The following TMCC2 variants were observed in gnomAD, a reference collection of about 807,000 sequenced individuals.
TMCC2 encodes the protein transmembrane and coiled-coil domain family 2.
A neutral mutation model predicts 49.4 loss-of-function variants in TMCC2; 16 were observed. That is an observed-to-expected ratio of 0.32 (90% confidence interval 0.22 to 0.49). The LOEUF (loss-of-function observed/expected upper bound fraction) is 0.49. Among genes scored for constraint, TMCC2 ranks in the 20% least tolerant of loss-of-function variants. The probability of loss-of-function intolerance (pLI) is 0.99; values close to 1 mark genes in which losing one functional copy is unlikely to be tolerated. For synonymous variants in TMCC2, 397 were observed against 434.1 expected (o/e 0.91, Z 1.06); for missense variants, 762 against 989.8 (o/e 0.77, Z 3.09).
At chr1:205,245,715 C>A (rs1229215598) in intron 2 of TMCC2, among the ~76,000 whole-genome samples, 1 of 152,052 alleles carries the variant, frequency 6.6e-6, no homozygotes, top group Non-Finnish European at 1.5e-5. Flanking sequence ...ACTTTTCTAA[C>A]GTAGAAAGTG....
intron 1 of TMCC2, chr1:205,229,534 C>A: frequency 1.8e-6 from 1 of 560,896 alleles, no homozygotes. Flanking sequence ...GTTTGCCGAT[C>A]TGTGAAGGGG....
At chr1:205,251,061 C>G (rs1660649995) in intron 2 of TMCC2, among the ~76,000 whole-genome samples, 1 of 152,206 alleles carries the variant, frequency 6.6e-6, no homozygotes, top group Non-Finnish European at 1.5e-5. Context: ...TTAACCTGAT[C>G]CCTGCTTCTG....
chr1:205,249,531 G>A (rs1201800311), intron 2 of TMCC2, among the ~76,000 whole-genome samples: 1 of 152,124 alleles, frequency 6.6e-6, no homozygotes, highest in Non-Finnish European at 1.5e-5. Flanking sequence ...GGGGGCCCCT[G>A]GTATAACTGA....
In TMCC2 at chr1:205,241,943, T is replaced by A. The variant is rs1375085763; in HGVS notation, c.646T>A (p.Cys216Ser). The A allele has an allele frequency of 1.2e-6, 2 of 1,611,414 alleles. No individual in the cohort carries two copies. The highest frequency in any genetic ancestry group is 3.3e-5 in the Admixed American group (2 of 59,972). Residue 216 changes from cysteine to serine, a missense_variant, in exon 2 of 5, where the codon TGC becomes AGC. Physicochemically the swap from Cys to Ser is moderately radical, Grantham distance 112 (BLOSUM62 -1). Coordinates refer to ENST00000358024, the MANE Select transcript of TMCC2 (RefSeq NM_014858.4). The surrounding 1 kb of genome is among the most constrained non-coding windows in gnomAD (Gnocchi z 7.3). Reference sequence around the variant, plus strand: ...GGCCGCCATCCTGCACCAGCACCAGTGCCGTCCCCGCTCTTCCTCCACCAC... The same window carrying A: ...GGCCGCCATCCTGCACCAGCACCAGAGCCGTCCCCGCTCTTCCTCCACCAC... ...SLAAILHQHQCRPRSSSTTDT... is the reference protein window; with the variant it reads ...SLAAILHQHQSRPRSSSTTDT...
In TMCC2 at chr1:205,229,553, G is replaced by T. The variant is rs1337082911; in HGVS notation, c.207+782G>T. ...GCCGATCTGTGAAGGGGCGGGGGGG[G>T]GGGGGTGGTGGCGGGGGCGGGGGGG... On this transcript the variant is annotated intron_variant, in intron 1 of 4. Transcript: ENST00000358024. 2.0e-4 allele frequency: 141 copies of T among 696,620 alleles called. 4 individuals are homozygous for T. The East Asian group carries it at 0.013, about 64-fold the overall frequency. The allele number at this position is 696,620 out of a possible 1,614,324, so 43.2% of individuals were successfully genotyped here. A position where few individuals can be genotyped will look rare whatever the true frequency, so the allele number is the denominator to read the frequency against.
Position 205,228,430 on chromosome 1 carries a change from G to A in TMCC2, c.-135G>A, listed in dbSNP as rs1159103036. On this transcript the variant is annotated 5_prime_UTR_variant, in exon 1 of 5. Coordinates refer to ENST00000358024, the MANE Select transcript of TMCC2 (RefSeq NM_014858.4). ...TTTAAGAATTTTTTTTTTAATTCAA[G>A]AAATTGTGGTCTGCCATCTCCCCTC... 2.9e-6 allele frequency: 2 copies of A among 680,140 alleles called. No homozygotes were observed. Among genetic ancestry groups the A allele is most frequent in the Non-Finnish European group, 4.7e-6 (2 of 429,814 alleles). The allele number at this position is 680,140 out of a possible 1,614,324, so 42.1% of individuals were successfully genotyped here.
intron 2 of TMCC2, among the ~76,000 whole-genome samples, chr1:205,252,604 G>C (rs929640780): frequency 1.3e-5 from 2 of 152,196 alleles, no homozygotes; most frequent in African/African-American, 4.8e-5. Context: ...TTCCAAGCAG[G>C]CTTGGTGAGC....
At chr1:205,268,146 G>T in intron 2 of TMCC2, 3 of 886,794 alleles carry the variant, frequency 3.4e-6, no homozygotes, top group Non-Finnish European at 4.1e-6. Context: ...GCGAGGGCAG[G>T]CAGGCAGGGC....
intron 2 of TMCC2, among the ~76,000 whole-genome samples, chr1:205,250,898 G>T (rs189965904): frequency 6.6e-6 from 1 of 152,156 alleles, no homozygotes; most frequent in African/African-American, 2.4e-5. Context: ...GCAAGGAGCC[G>T]GCACTGATGA....
chr1:205,257,390 G>A (rs1223557237), intron 2 of TMCC2: 2 of 1,232,186 alleles, frequency 1.6e-6, no homozygotes, highest in Admixed American at 4.2e-5. Flanking sequence ...TGGGTGGAAG[G>A]AGAGAATTTC....
At chr1:205,249,244 C>G (rs1407390373) in intron 2 of TMCC2, among the ~76,000 whole-genome samples, 1 of 152,218 alleles carries the variant, frequency 6.6e-6, no homozygotes, top group Non-Finnish European at 1.5e-5. Context: ...TAAGCGAGAG[C>G]AGACTCTGAA....
At chr1:205,271,488 A>G (rs990138670) in intron 4 of TMCC2, 16 of 695,362 alleles carry the variant, frequency 2.3e-5, no homozygotes, top group Middle Eastern at 3.9e-4. Context: ...GGCAGAGGCC[A>G]CCATGCCCCC....
intron 2 of TMCC2, among the ~76,000 whole-genome samples, chr1:205,252,547 A>G (rs1305821205): frequency 1.3e-5 from 2 of 152,214 alleles, no homozygotes; most frequent in Admixed American, 1.3e-4. Context: ...GAAAGTGAAT[A>G]CTTGGGGAGG....
At chr1:205,237,035 GT>G (rs879429415) in intron 1 of TMCC2, among the ~76,000 whole-genome samples, 10 of 150,934 alleles carry the variant, frequency 6.6e-5, no homozygotes, top group South Asian at 4.2e-4. Context: ...CATGAGTTGA[GT>G]TTTTTTTTTA....
intron 1 of TMCC2, chr1:205,229,571 C>CG (rs1366635155): frequency 0.012 from 6,418 of 532,574 alleles, 29 homozygotes; most frequent in Non-Finnish European, 0.013. Context: ...GTGGCGGGGG[C>CG]GGGGGGGGAA....
intron 2 of TMCC2, among the ~76,000 whole-genome samples, chr1:205,252,344 C>G (rs1442552698): frequency 4.6e-5 from 7 of 152,220 alleles, no homozygotes; most frequent in Non-Finnish European, 1.5e-5. Flanking sequence ...TTCCTCCACT[C>G]TGGCCTGATC....
At chr1:205,261,612 G>A (rs1303467338) in intron 2 of TMCC2, among the ~76,000 whole-genome samples, 4 of 151,542 alleles carry the variant, frequency 2.6e-5, no homozygotes, top group Non-Finnish European at 5.9e-5. Context: ...CTGGGACGTC[G>A]AGACTACAGT....
At chr1:205,257,293 C>A in intron 2 of TMCC2, 1 of 1,232,278 alleles carries the variant, frequency 8.1e-7, no homozygotes, top group Non-Finnish European at 1.0e-6. Context: ...CTGACACAGT[C>A]CGCAGACAGC....
intron 1 of TMCC2, chr1:205,229,548 G>T (rs984527668): frequency 0.013 from 4,847 of 380,096 alleles, 96 homozygotes; most frequent in Non-Finnish European, 0.015. Flanking sequence ...GAAGGGGCGG[G>T]GGGGGGGGGG....
Sources: gnomAD v4.1 joint callset for allele counts (sites outside exome capture counted in the v4.1 genomes callset) on GRCh38, gnomAD v4.1.1 for gene constraint, Gnocchi (gnomAD v3.1) non-coding constraint, MANE v1.5 for transcripts, NCBI Gene and HGNC (gene_info 2026-07-23, HGNC 2026-07-21) for gene names.